Variants in SSB observed in about 807,000 individuals in gnomAD.
SSB encodes small RNA binding exonuclease protection factor La.
Under a neutral mutation model 52.9 loss-of-function variants are expected in SSB, and 17 were observed. The ratio of observed to expected loss-of-function variants is 0.32; its 90% confidence interval spans 0.22 to 0.48. The LOEUF is 0.48. SSB is among the 20% of genes least tolerant of loss of function. SSB has a pLI of 0.99. For synonymous variants in SSB, 111 were observed against 152.1 expected (o/e 0.73, Z 1.99); for missense variants, 314 against 463.6 (o/e 0.68, Z 2.96).
At chr2:169,811,132 C>G in intron 10 of SSB, 51 bp from the exon 11 acceptor site, 1 of 1,592,778 alleles carries the variant, frequency 6.3e-7, no homozygotes, top group Non-Finnish European at 8.5e-7. Context: ...AAAACATTGA[C>G]AAGAGACTTA....
At chr2:169,811,155 T>C (rs1689942661) in intron 10 of SSB, 28 bp from the exon 11 acceptor site, 1 of 1,598,404 alleles carries the variant, frequency 6.3e-7, no homozygotes, top group Admixed American at 1.8e-5. Context: ...AAAAGTTCTT[T>C]ACAGAGTGCT....
At chr2:169,808,188 A>G (rs1213207105) in intron 6 of SSB, among the ~76,000 whole-genome samples, 2 of 152,158 alleles carry the variant, frequency 1.3e-5, no homozygotes, top group African/African-American at 4.8e-5. Flanking sequence ...GGGTCATGAA[A>G]ATGTTCTGAA....
chr2:169,810,816 A>G (rs748162801), intron 9 of SSB, 42 bp from the exon 10 acceptor site: 1 of 1,553,836 alleles, frequency 6.4e-7, no homozygotes, highest in Non-Finnish European at 8.7e-7. Context: ...TTGTGGGACT[A>G]AAAACCAAGG....
At position 169,800,977 on chromosome 2, in the gene SSB, A is replaced by G. The variant is rs776632185; in HGVS notation, c.17A>G (p.Asp6Gly). The G allele has an allele frequency of 6.3e-7, 1 of 1,598,756 alleles. No homozygotes were observed. Among genetic ancestry groups the G allele is most frequent in the Non-Finnish European group, 8.5e-7 (1 of 1,174,190 alleles). The change falls in exon 2 of 12, where the codon GAT (aspartate) becomes GGT (glycine). Residue 6 changes from aspartate (D) to glycine (G), a missense_variant. By Grantham distance (94) the Asp-to-Gly change is moderately conservative (BLOSUM62 -1). Coordinates refer to ENST00000260956, the MANE Select transcript of SSB (RefSeq NM_003142.5). The part of the protein sequence containing the change: MAENG[D>G]NEKMAALEAK... ...ATAGCCGCAATGGCTGAAAATGGTGATAATGAAAAGATGGCTGCCCTGGAG... is the reference window on the plus strand; with the variant it reads ...ATAGCCGCAATGGCTGAAAATGGTGGTAATGAAAAGATGGCTGCCCTGGAG...
chr2:169,800,197 T>G (rs185356446), intron 1 of SSB, among the ~76,000 whole-genome samples: 2 of 152,284 alleles, frequency 1.3e-5, no homozygotes, highest in East Asian at 3.9e-4. Context: ...GATGTCTAAC[T>G]TGGTAACAAG....
At chr2:169,809,668 A>G (rs1573962181) in intron 8 of SSB, among the ~76,000 whole-genome samples, 1 of 151,714 alleles carries the variant, frequency 6.6e-6, no homozygotes, top group Non-Finnish European at 1.5e-5. Flanking sequence ...GCTGGAGTGC[A>G]GTGGCGCGAT....
In SSB at chr2:169,808,469, G is replaced by A. The variant is rs753188326; in HGVS notation, c.555-13G>A. On this transcript the variant is annotated splice_polypyrimidine_tract_variant and intron_variant, in intron 6 of 11. Coordinates refer to ENST00000260956, the MANE Select transcript of SSB (RefSeq NM_003142.5). ...TTCTCGTGAACTTAGCCTCTGTACT[G>A]TGTGTTCTTTAGGGACGATTACTTT... 1.7e-5 allele frequency: 28 copies of A among 1,610,408 alleles called. No homozygotes were observed. The Admixed American group carries it at 4.2e-4, about 24-fold the overall frequency.
At chr2:169,810,702 C>A in intron 9 of SSB, 156 bp from the exon 10 acceptor site, 1 of 753,524 alleles carries the variant, frequency 1.3e-6, no homozygotes, top group East Asian at 2.7e-5. Flanking sequence ...TGCAGTTTTA[C>A]TTCTGTAGCA....
intron 2 of SSB, among the ~76,000 whole-genome samples, chr2:169,802,304 T>C (rs1342157037): frequency 6.6e-6 from 1 of 151,070 alleles, no homozygotes; most frequent in African/African-American, 2.4e-5. Flanking sequence ...TTAAAATCTT[T>C]ACAATATCGA....
chr2:169,802,183 C>T (rs896600881), intron 2 of SSB, among the ~76,000 whole-genome samples: 1 of 152,084 alleles, frequency 6.6e-6, no homozygotes. Context: ...GACACTGTTT[C>T]AGGGGGCGAG....
chr2:169,807,737 C>CTTTTTTTTTTTTTTT lies in SSB; in HGVS notation c.554+675_554+689dup, dbSNP rs55845251. ...ATCTTATTTTTCATAGCCTATATGT[C>CTTTTTTTTTTTTTTT]TTTTTTTTTTTTTTTTTTTTTTTAC... On this transcript the variant is annotated intron_variant, in intron 6 of 11. Coordinates refer to ENST00000260956, the MANE Select transcript of SSB (RefSeq NM_003142.5). Among the ~76,000 whole-genome samples the CTTTTTTTTTTTTTTT allele has an allele frequency of 5.4e-5, 4 of 74,020 alleles. 1 individual carries two copies. Among genetic ancestry groups the CTTTTTTTTTTTTTTT allele is most frequent in the Non-Finnish European group, 7.3e-5 (3 of 41,072 alleles). The allele number at this position is 74,020 out of a possible 152,430, so 48.6% of individuals were successfully genotyped here.
In SSB at chr2:169,805,816, G is replaced by C. The variant is rs749319622; in HGVS notation, c.322G>C (p.Val108Leu). ...AGTGACTGATGAGTATAAAAATGAT[G>C]TAAAAAACAGATCTGTTTATATTGT... The part of the protein sequence containing the change: ...PEVTDEYKND[V>L]KNRSVYIKGF... Residue 108 changes from valine (V) to leucine (L), a missense_variant, in exon 4 of 12, where the codon GTA becomes CTA. Val to Leu is a conservative substitution (Grantham distance 32). Transcript: ENST00000260956. The C allele has an allele frequency of 6.2e-7, 1 of 1,613,042 alleles. No individual in the cohort carries two copies. The highest frequency in any genetic ancestry group is 1.1e-5 in the South Asian group (1 of 90,784).
rs1338004524 is a variant in SSB at position 169,808,511 on chromosome 2, A to G, written c.584A>G (p.Glu195Gly). 2 of 1,613,748 alleles carry G rather than the reference A, an allele frequency of 1.2e-6. No individual in the cohort carries two copies. The highest frequency in any genetic ancestry group is 1.1e-5 in the South Asian group (1 of 91,064). Residue 195 changes from glutamate to glycine, a missense_variant, in exon 7 of 12, where the codon GAA becomes GGA. By Grantham distance (98) the Glu-to-Gly change is moderately conservative. Coordinates refer to ENST00000260956, the MANE Select transcript of SSB (RefSeq NM_003142.5). Reference sequence around the variant, plus strand: ...GATTACTTTGCCAAAAAAAATGAAGAAAGAAAACAAAATAAAGTGGAAGCT... The same window carrying G: ...GATTACTTTGCCAAAAAAAATGAAGGAAGAAAACAAAATAAAGTGGAAGCT... ...KDDYFAKKNE[E>G]RKQNKVEAKL...
intron 2 of SSB, among the ~76,000 whole-genome samples, chr2:169,803,065 CTG>C (rs1355493344): frequency 6.6e-6 from 1 of 152,150 alleles, no homozygotes; most frequent in Non-Finnish European, 1.5e-5. Context: ...TTAAAAAACA[CTG>C]ATAATTGTCA....
intron 8 of SSB, among the ~76,000 whole-genome samples, chr2:169,809,829 G>A (rs1487376855): frequency 6.6e-6 from 1 of 151,896 alleles, no homozygotes; most frequent in Non-Finnish European, 1.5e-5. Flanking sequence ...TGTTAGCCAG[G>A]ATGCTCTCGA....
In SSB at chr2:169,811,759, T is replaced by A. The variant is rs372486285; in HGVS notation, c.*3T>A. ...AAAATGGTGCTGGAGACCAGTAGTT[T>A]AGTAAACCAATTTTTTATTCATTTT... On this transcript the variant is annotated 3_prime_UTR_variant, in exon 12 of 12. Transcript: ENST00000260956. The A allele has an allele frequency of 9.9e-6, 16 of 1,613,056 alleles. No individual in the cohort carries two copies. The South Asian group carries it at 1.4e-4, about 14-fold the overall frequency.
chr2:169,811,632 C>G (rs769457620), intron 11 of SSB, 36 bp from the exon 12 acceptor site: 1 of 1,597,202 alleles, frequency 6.3e-7, no homozygotes, highest in Admixed American at 1.8e-5. Flanking sequence ...GCAGTACTTA[C>G]GTTGAATTTA....
intron 6 of SSB, 57 bp downstream of exon 6, chr2:169,807,128 G>A (rs770257590): frequency 2.5e-4 from 351 of 1,427,622 alleles, no homozygotes; most frequent in Non-Finnish European, 3.3e-4. Context: ...CACACACTAG[G>A]GTAAGGAGCA....
At chr2:169,811,068 AAC>A (rs1289059804) in intron 10 of SSB, 24 bp downstream of exon 10, 2 of 1,602,844 alleles carry the variant, frequency 1.2e-6, no homozygotes, top group African/African-American at 2.7e-5. Context: ...ATTTTTCTTT[AAC>A]AGTTTGGTTG....
Sources: gnomAD v4.1 joint callset for allele counts (sites outside exome capture counted in the v4.1 genomes callset) on GRCh38, gnomAD v4.1.1 for gene constraint, MANE v1.5 for transcripts, NCBI Gene and HGNC (gene_info 2026-07-23, HGNC 2026-07-21) for gene names.